The following PFKFB4 variants were observed in gnomAD, a reference collection of about 807,000 sequenced individuals.
The protein encoded by PFKFB4 is 6-phosphofructo-2-kinase/fructose-2,6-bisphosphatase 4.
PFKFB4 carries 42 observed loss-of-function variants against 62.8 expected under a neutral mutation model. That is an observed-to-expected ratio of 0.67 (90% CI 0.52 to 0.86). PFKFB4 has a LOEUF of 0.86. Ranked by LOEUF, PFKFB4 falls within the 40% of genes least tolerant of loss-of-function variation. The pLI is 0.00. For synonymous variants in PFKFB4, 204 were observed against 240.7 expected, an observed-to-expected ratio of 0.85 and a Z score of 1.41; for missense variants, 475 against 627.2, an observed-to-expected ratio of 0.76 and a Z score of 2.59.
chr3:48,556,774 C>A lies in PFKFB4; in HGVS notation c.4G>T (p.Ala2Ser). The change falls in exon 1 of 14, where the codon GCG becomes TCG. Residue 2 changes from alanine (A) to serine (S), a missense_variant. Ala to Ser is a moderately conservative substitution (Grantham distance 99, BLOSUM62 1). Transcript: ENST00000232375. This position sits in a 1 kb window ranked among gnomAD's most constrained non-coding sequence, Gnocchi z 5.7. M[A>S]SPRELTQNPL... ...TTCTGTGTCAATTCCCGTGGGGACG[C>A]CATCCCGGGGCCGGGATGAGTCGGA... is the stretch of plus-strand genomic sequence containing the variant. The A allele has an allele frequency of 6.2e-7, 1 of 1,600,966 alleles. No individual in the cohort carries two copies. Among genetic ancestry groups the A allele is most frequent in the Non-Finnish European group, 8.5e-7 (1 of 1,173,946 alleles).
At chr3:48,545,926 TG>T (rs960901328) in intron 3 of PFKFB4, among the ~76,000 whole-genome samples, 3 of 152,184 alleles carry the variant, frequency 2.0e-5, no homozygotes, top group Non-Finnish European at 2.9e-5. Flanking sequence ...ATCTCTTTTG[TG>T]GGCTGCTCTG....
chr3:48,544,748 G>T (rs2042912225), intron 3 of PFKFB4, among the ~76,000 whole-genome samples: 1 of 151,414 alleles, frequency 6.6e-6, no homozygotes, highest in African/African-American at 2.4e-5. Flanking sequence ...TTAGACAAGA[G>T]TCTTACTCTC....
rs2042037155 is a variant in PFKFB4 at position 48,519,813 on chromosome 3, A to G, written c.1351-7T>C. The G allele has an allele frequency of 6.2e-7, 1 of 1,612,014 alleles. No individual in the cohort carries two copies. Among genetic ancestry groups the G allele is most frequent in the Non-Finnish European group, 8.5e-7 (1 of 1,178,156 alleles). The stretch of plus-strand genomic sequence containing the variant: ...GTCTTGAGATGTCCACGTTCTGTAC[A>G]ATAAAAACACAGAGCGTTCACTCCA... On this transcript the variant is annotated splice_region_variant and splice_polypyrimidine_tract_variant and intron_variant, in intron 13 of 13. Coordinates refer to ENST00000232375, the MANE Select transcript of PFKFB4 (RefSeq NM_004567.4).
chr3:48,549,698 T>C (rs1280047950), intron 3 of PFKFB4, among the ~76,000 whole-genome samples, 166 bp downstream of exon 3: 1 of 151,898 alleles, frequency 6.6e-6, no homozygotes, highest in East Asian at 1.9e-4. Flanking sequence ...CACAGCCCTG[T>C]CACACAGCCA....
intron 3 of PFKFB4, among the ~76,000 whole-genome samples, chr3:48,545,851 TGA>T (rs2042945351): frequency 6.6e-6 from 1 of 152,214 alleles, no homozygotes; most frequent in Non-Finnish European, 1.5e-5. Context: ...ATCTGAATTC[TGA>T]GAGTCCAGGT....
chr3:48,558,241 TC>T (rs1282734458), upstream of PFKFB4, among the ~76,000 whole-genome samples: 3 of 152,058 alleles, frequency 2.0e-5, no homozygotes, highest in Non-Finnish European at 2.9e-5. Flanking sequence ...TCCTGCAGTT[TC>T]CCGCCTCCTC....
chr3:48,532,978 A>C (rs1038714801), intron 9 of PFKFB4, among the ~76,000 whole-genome samples: 2 of 152,372 alleles, frequency 1.3e-5, no homozygotes, highest in South Asian at 2.1e-4. Flanking sequence ...AAGTAGTCAA[A>C]GTCATAAAGA....
At chr3:48,546,007 CTG>C (rs975548097) in intron 3 of PFKFB4, among the ~76,000 whole-genome samples, 1 of 151,934 alleles carries the variant, frequency 6.6e-6, no homozygotes, top group African/African-American at 2.4e-5. Flanking sequence ...GCCTGGGAGC[CTG>C]TGTGTGTGCG....
chr3:48,524,862 C>A (rs938822174), intron 10 of PFKFB4, among the ~76,000 whole-genome samples: 46 of 152,132 alleles, frequency 3.0e-4, no homozygotes, highest in African/African-American at 1.1e-3. Flanking sequence ...CAAAGGTGAC[C>A]CTCAGTTTCT....
chr3:48,522,635 C>T (rs1037316368), intron 12 of PFKFB4, among the ~76,000 whole-genome samples: 7 of 152,136 alleles, frequency 4.6e-5, no homozygotes, highest in Non-Finnish European at 8.8e-5. Flanking sequence ...AAGTCCAGGC[C>T]CTGAGGACCA....
intron 6 of PFKFB4, 52 bp downstream of exon 6, chr3:48,539,202 G>T: frequency 7.1e-7 from 1 of 1,406,076 alleles, no homozygotes; most frequent in Non-Finnish European, 1.0e-6. Context: ...AACCTGAAAA[G>T]GGATGTCCCT....
chr3:48,556,826 G>T (rs1324128257), upstream of PFKFB4: 1 of 1,536,656 alleles, frequency 6.5e-7, no homozygotes, highest in Admixed American at 2.2e-5. This position sits in a 1 kb window ranked among gnomAD's most constrained non-coding sequence, Gnocchi z 5.7. Flanking sequence ...CCAGCAGCCG[G>T]GCCACCTCGG....
At chr3:48,535,409 C>T in intron 9 of PFKFB4, 103 bp downstream of exon 9, 1 of 1,045,722 alleles carries the variant, frequency 9.6e-7, no homozygotes, top group Non-Finnish European at 1.4e-6. Flanking sequence ...CTTTCTCTCT[C>T]CTCTCCTTTG....
chr3:48,538,312 G>A (rs1369617733), intron 7 of PFKFB4, among the ~76,000 whole-genome samples, 186 bp downstream of exon 7: 2 of 152,184 alleles, frequency 1.3e-5, no homozygotes, highest in African/African-American at 4.8e-5. Flanking sequence ...TTTGGATGAG[G>A]TAACCGGTGT....
chr3:48,547,497 C>G (rs999579245), intron 3 of PFKFB4, among the ~76,000 whole-genome samples: 3 of 152,088 alleles, frequency 2.0e-5, no homozygotes, highest in Admixed American at 2.0e-4. Context: ...GTTTTTGAGA[C>G]AGAGTCTTAC....
chr3:48,560,282 C>T (rs116895326), upstream of PFKFB4, among the ~76,000 whole-genome samples: 1,145 of 152,290 alleles, frequency 7.5e-3, 35 homozygotes, highest in Admixed American at 0.062. Context: ...TCTGCTGCCT[C>T]CCTTCCCACA....
chr3:48,563,038 C>G (rs1307912896), upstream of PFKFB4: 23 of 1,611,684 alleles, frequency 1.4e-5, no homozygotes, highest in Non-Finnish European at 2.0e-5. The surrounding 1 kb of genome is among the most constrained non-coding windows in gnomAD (Gnocchi z 4.5). Context: ...GAGGGCGGAG[C>G]TGGAAGGTTG....
At chr3:48,546,635 C>G (rs1408259200) in intron 3 of PFKFB4, among the ~76,000 whole-genome samples, 2 of 152,160 alleles carry the variant, frequency 1.3e-5, no homozygotes, top group Non-Finnish European at 2.9e-5. Context: ...GGCCCTTGGC[C>G]AGGGTTGGGG....
intron 1 of PFKFB4, among the ~76,000 whole-genome samples, chr3:48,551,350 G>T (rs1006785348): frequency 6.6e-6 from 1 of 150,942 alleles, no homozygotes; most frequent in Non-Finnish European, 1.5e-5. Flanking sequence ...CAAGTATCTA[G>T]GATTACAGAC....
Sources: gnomAD v4.1 joint callset for allele counts (sites outside exome capture counted in the v4.1 genomes callset) on GRCh38, gnomAD v4.1.1 for gene constraint, Gnocchi (gnomAD v3.1) non-coding constraint, MANE v1.5 for transcripts, NCBI Gene and HGNC (gene_info 2026-07-23, HGNC 2026-07-21) for gene names.